Variants in C6orf132 observed in about 807,000 individuals in gnomAD.
The protein encoded by C6orf132 is chromosome 6 open reading frame 132.
Under a neutral mutation model 65.3 loss-of-function variants are expected in C6orf132, and 43 were observed. The observed-to-expected ratio is 0.66, with a 90% confidence interval of 0.52 to 0.85. The LOEUF is 0.85. C6orf132 is among the 40% of genes least tolerant of loss of function. C6orf132 has a pLI of 0.00. For synonymous variants in C6orf132, 631 were observed against 654.1 expected (o/e 0.96, Z 0.54); for missense variants, 1,488 against 1,548.8 (o/e 0.96, Z 0.66).
intron 2 of C6orf132, among the ~76,000 whole-genome samples, chr6:42,117,923 C>CAAAAAAAAAAAAAAAA (rs556142891): frequency 1.8e-4 from 11 of 62,352 alleles, no homozygotes; most frequent in African/African-American, 4.8e-4. Context: ...AACCCTGTCA[C>CAAAAAAAAAAAAAAAA]AAAAAAAAAA....
chr6:42,106,551 G>T lies in C6orf132; in HGVS notation c.1361C>A (p.Ala454Glu). The change falls in exon 4 of 5, where the codon GCG (alanine) becomes GAG (glutamate). Residue 454 changes from alanine to glutamate, a missense_variant. By Grantham distance (107) the Ala-to-Glu change is moderately radical. Coordinates refer to ENST00000341865, the MANE Select transcript of C6orf132 (RefSeq NM_001164446.3). ...KPNPPSPENT[A>E]SSAPVDWRDP... is the part of the protein sequence containing the mutation. ...CCTCCAGTCCACAGGTGCTGAAGAC[G>T]CTGTGTTCTCTGGGCTGGGGGGGTT... 2.0e-6 allele frequency: 3 copies of T among 1,536,440 alleles called. No individual in the cohort carries two copies. Among genetic ancestry groups the T allele is most frequent in the African/African-American group, 1.4e-5 (1 of 73,044 alleles).
rs1399844738 is a variant in C6orf132 at position 42,103,741 on chromosome 6, G to C, written c.*20C>G. The C allele has an allele frequency of 1.5e-6, 2 of 1,343,852 alleles. No homozygotes were observed. The highest frequency in any genetic ancestry group is 1.9e-6 in the Non-Finnish European group (2 of 1,035,960). 83.2% of individuals were successfully genotyped at this position (1,343,852 alleles called of 1,614,324 possible). On this transcript the variant is annotated 3_prime_UTR_variant, in exon 5 of 5. Coordinates refer to ENST00000341865, the MANE Select transcript of C6orf132 (RefSeq NM_001164446.3). The stretch of plus-strand genomic sequence containing the variant: ...CTTAAAGACACAGTTTGTTGGAGTA[G>C]AGCTAAGAGAACCCCTGGCTCAGGA...
rs1285792385 is a variant in C6orf132, at chr6:42,104,862, T to C, written c.3050A>G (p.Tyr1017Cys). The C allele has an allele frequency of 2.1e-6, 3 of 1,450,322 alleles. No homozygotes were observed. The highest frequency in any genetic ancestry group is 2.7e-6 in the Non-Finnish European group (3 of 1,106,586). The allele number at this position is 1,450,322 out of a possible 1,614,324, so 89.8% of individuals were successfully genotyped here. A position where few individuals can be genotyped will look rare whatever the true frequency, so the allele number is the denominator to read the frequency against. Residue 1017 changes from tyrosine to cysteine, a missense_variant, in exon 4 of 5, where the codon TAC (tyrosine) becomes TGC (cysteine). Physicochemically the swap from Tyr to Cys is radical, Grantham distance 194. Coordinates refer to ENST00000341865, the MANE Select transcript of C6orf132 (RefSeq NM_001164446.3). The surrounding 1 kb of genome is among the most constrained non-coding windows in gnomAD (Gnocchi z 4.1). ...GRQSSPPRNN[Y>C]SDLRQLPNAG... ...GTTCGGGAGCTGCCTCAAGTCTGAG[T>C]AGTTGTTCCGGGGAGGGGAGCTCTG...
At position 42,103,416 on chromosome 6, in the gene C6orf132, G is replaced by A. The variant is rs985332140; in HGVS notation, c.*345C>T. On this transcript the variant is annotated 3_prime_UTR_variant, in exon 5 of 5. Transcript: ENST00000341865. ...GCTTTCAGAACCTGCTCAGTAGGCC[G>A]TGCTTGTAAAACTGTTTTAAATAAC... is the stretch of plus-strand genomic sequence containing the variant. The A allele has an allele frequency of 1.5e-5, 6 of 394,904 alleles. No homozygotes were observed. Among genetic ancestry groups the A allele is most frequent in the African/African-American group, 6.2e-5 (3 of 48,566 alleles). 24.5% of individuals were successfully genotyped at this position (394,904 alleles called of 1,614,324 possible).
intron 3 of C6orf132, among the ~76,000 whole-genome samples, chr6:42,109,936 C>T (rs564509483): frequency 6.6e-6 from 1 of 152,244 alleles, no homozygotes; most frequent in East Asian, 1.9e-4. Context: ...GCCCTTCTTC[C>T]ACTTTATGCT....
intron 3 of C6orf132, among the ~76,000 whole-genome samples, chr6:42,108,946 G>T (rs1305004132): frequency 1.3e-5 from 2 of 152,200 alleles, no homozygotes; most frequent in Non-Finnish European, 2.9e-5. Context: ...CCAACTGTCA[G>T]GCAGGACTTA....
chr6:42,128,621 G>C, intron 2 of C6orf132, 51 bp downstream of exon 2: 1 of 1,424,488 alleles, frequency 7.0e-7, no homozygotes, highest in Non-Finnish European at 9.7e-7. Context: ...GGCAGCCTTG[G>C]TGTCCCCAGC....
intron 1 of C6orf132, among the ~76,000 whole-genome samples, chr6:42,131,954 T>C (rs1582283665): frequency 6.6e-6 from 1 of 151,780 alleles, no homozygotes; most frequent in East Asian, 1.9e-4. Context: ...GAGGAGTGGG[T>C]AGGGGTCAGA....
intron 2 of C6orf132, among the ~76,000 whole-genome samples, chr6:42,110,546 C>T (rs1766478002): frequency 6.6e-6 from 1 of 152,180 alleles, no homozygotes. Flanking sequence ...AATACTGACC[C>T]GTTGCTCCTA....
rs77046598 is a variant in C6orf132 at position 42,103,402 on chromosome 6, C to A, written c.*359G>T. 6.9e-3 allele frequency: 2,744 copies of A among 396,470 alleles called. 65 individuals are homozygous for A. Among genetic ancestry groups the A allele is most frequent in the African/African-American group, 0.051 (2,475 of 48,722 alleles). 24.6% of individuals were successfully genotyped at this position (396,470 alleles called of 1,614,324 possible). ...GTGCCCCACCCCTTGCTTTCAGAACCTGCTCAGTAGGCCGTGCTTGTAAAA... is the reference window on the plus strand; with the variant it reads ...GTGCCCCACCCCTTGCTTTCAGAACATGCTCAGTAGGCCGTGCTTGTAAAA... On this transcript the variant is annotated 3_prime_UTR_variant, in exon 5 of 5. Coordinates refer to ENST00000341865, the MANE Select transcript of C6orf132 (RefSeq NM_001164446.3).
chr6:42,121,209 T>C (rs1017852507), intron 2 of C6orf132, among the ~76,000 whole-genome samples: 2 of 152,194 alleles, frequency 1.3e-5, no homozygotes, highest in African/African-American at 4.8e-5. Context: ...TTCCCCTGGA[T>C]TCTAATCAAG....
At chr6:42,108,932 G>A (rs1766455343) in intron 3 of C6orf132, among the ~76,000 whole-genome samples, 1 of 152,132 alleles carries the variant, frequency 6.6e-6, no homozygotes, top group Non-Finnish European at 1.5e-5. Context: ...CATTCACTGA[G>A]CACCCAACTG....
At chr6:42,107,704 C>T (rs749884794) in intron 3 of C6orf132, 121 bp from the exon 4 acceptor site, 15 of 1,213,810 alleles carry the variant, frequency 1.2e-5, no homozygotes, top group Non-Finnish European at 1.7e-5. Flanking sequence ...TCATTTTCTC[C>T]TGAACACCAA....
chr6:42,113,904 T>G (rs9471770), intron 2 of C6orf132, among the ~76,000 whole-genome samples: 23,938 of 152,068 alleles, frequency 0.16, 2,156 homozygotes, highest in African/African-American at 0.24. Flanking sequence ...TCAAATGAGA[T>G]AATATCCCTA....
chr6:42,137,867 G>C (rs1766970297), intron 1 of C6orf132, among the ~76,000 whole-genome samples: 1 of 151,806 alleles, frequency 6.6e-6, no homozygotes, highest in African/African-American at 2.4e-5. Flanking sequence ...ACGAGGTCAG[G>C]AGATCGAGAC....
chr6:42,110,087 C>T (rs781402513), intron 3 of C6orf132, 129 bp downstream of exon 3: 40 of 711,208 alleles, frequency 5.6e-5, no homozygotes, highest in Non-Finnish European at 7.7e-5. Flanking sequence ...CTGAGGATGG[C>T]GAGAGTGGCT....
intron 2 of C6orf132, among the ~76,000 whole-genome samples, chr6:42,127,671 T>C (rs1349373405): frequency 6.6e-6 from 1 of 152,172 alleles, no homozygotes; most frequent in East Asian, 1.9e-4. Flanking sequence ...AGTGACAGCA[T>C]TGTGCCACCC....
At chr6:42,137,453 C>T (rs1278874847) in intron 1 of C6orf132, among the ~76,000 whole-genome samples, 1 of 152,070 alleles carries the variant, frequency 6.6e-6, no homozygotes, top group Non-Finnish European at 1.5e-5. Flanking sequence ...ATGCTCAGCT[C>T]CTGACTCCCG....
intron 2 of C6orf132, among the ~76,000 whole-genome samples, chr6:42,114,463 C>CCACTGA (rs1267996455): frequency 6.6e-6 from 1 of 152,256 alleles, no homozygotes; most frequent in African/African-American, 2.4e-5. Flanking sequence ...GCTTACTTAG[C>CCACTGA]TGTCCCTTTC....
Sources: allele counts gnomAD v4.1 joint callset (sites outside exome capture counted in the v4.1 genomes callset), GRCh38; gene constraint gnomAD v4.1.1; non-coding constraint Gnocchi (gnomAD v3.1); transcripts MANE v1.5; gene names NCBI Gene and HGNC (gene_info 2026-07-23, HGNC 2026-07-21).